The following SEZ6L variants were observed in gnomAD, a reference collection of about 807,000 sequenced individuals.
The protein encoded by SEZ6L is seizure 6-like protein.
A neutral mutation model predicts 106.2 loss-of-function variants in SEZ6L; 37 were observed. The observed-to-expected ratio is 0.35, with a 90% CI of 0.27 to 0.46. The LOEUF (loss-of-function observed/expected upper bound fraction) is 0.46. SEZ6L is among the 20% of genes least tolerant of loss of function. SEZ6L has a pLI of 1.00. For synonymous variants in SEZ6L, 541 were observed against 570.4 expected (o/e 0.95, Z 0.73); for missense variants, 1,172 against 1,332.8 (o/e 0.88, Z 1.88).
chr22:26,325,763 C>T (rs537367338), intron 9 of SEZ6L, among the ~76,000 whole-genome samples: 1,410 of 57,830 alleles, frequency 0.024, 14 homozygotes, highest in South Asian at 0.035. Context: ...CCCATCTCTT[C>T]GAGTTCTGAG....
At chr22:26,315,720 G>A (rs893223139) in intron 9 of SEZ6L, among the ~76,000 whole-genome samples, 10 of 152,156 alleles carry the variant, frequency 6.6e-5, no homozygotes, top group African/African-American at 2.4e-4. Context: ...GGCTGCTGGA[G>A]GCAGATTTTA....
intron 1 of SEZ6L, among the ~76,000 whole-genome samples, chr22:26,243,676 C>T (rs2079215984): frequency 6.6e-6 from 1 of 152,136 alleles, no homozygotes; most frequent in African/African-American, 2.4e-5. Context: ...TTATAAGGAT[C>T]ACTCTAGCTG....
intron 12 of SEZ6L, among the ~76,000 whole-genome samples, chr22:26,359,400 C>T (rs927423051): frequency 1.3e-5 from 2 of 152,150 alleles, no homozygotes; most frequent in Admixed American, 6.6e-5. Flanking sequence ...TGGTTAAGAC[C>T]GGACTTGGAC....
intron 1 of SEZ6L, among the ~76,000 whole-genome samples, chr22:26,258,065 T>C (rs371071370): frequency 6.6e-6 from 1 of 152,160 alleles, no homozygotes; most frequent in Non-Finnish European, 1.5e-5. Flanking sequence ...GAGTCTGTCA[T>C]CTCCAATTCA....
At chr22:26,217,169 C>A (rs530739868) in intron 1 of SEZ6L, among the ~76,000 whole-genome samples, 86 of 152,290 alleles carry the variant, frequency 5.6e-4, no homozygotes, top group African/African-American at 2.0e-3. Flanking sequence ...TCCAGGATTA[C>A]AGTGCTAGTA....
intron 1 of SEZ6L, among the ~76,000 whole-genome samples, chr22:26,270,463 GGTGTGTGTGTGT>G (rs60049781): frequency 6.8e-5 from 10 of 146,262 alleles, no homozygotes; most frequent in South Asian, 6.7e-4. Context: ...AATTGTGAGG[GGTGTGTGTGTGT>G]GTGTGTGTGT....
intron 1 of SEZ6L, among the ~76,000 whole-genome samples, chr22:26,291,445 T>C (rs996984080): frequency 2.2e-5 from 2 of 91,258 alleles, no homozygotes; most frequent in Non-Finnish European, 4.5e-5. Context: ...TGTTGCGGGG[T>C]GGAGTTGGGG....
At chr22:26,270,164 A>G (rs555088651) in intron 1 of SEZ6L, among the ~76,000 whole-genome samples, 1 of 152,316 alleles carries the variant, frequency 6.6e-6, no homozygotes, top group Non-Finnish European at 1.5e-5. Context: ...AGAACCTGGC[A>G]CAGAAGGATT....
intron 1 of SEZ6L, among the ~76,000 whole-genome samples, chr22:26,231,126 C>T (rs73879856): frequency 0.08 from 12,209 of 152,252 alleles, 948 homozygotes; most frequent in African/African-American, 0.2. Context: ...CTGTGGAGCC[C>T]GGCTACCCCA....
rs968475565 is a variant in SEZ6L at position 26,270,789 on chromosome 22, T to A, written c.95-21617T>A. 4.6e-5 allele frequency among the ~76,000 whole-genome samples: 7 copies of A among 152,192 alleles called. No individual in the cohort carries two copies. In the East Asian group the frequency reaches 7.7e-4, roughly 17 times the overall value. ...TGTCAAGGAAAACCCCTCGCTGGTG[T>A]CTGCTAGGACACTCATCTTTCCTCC... On this transcript the variant is annotated intron_variant, in intron 1 of 16. Coordinates refer to ENST00000248933, the MANE Select transcript of SEZ6L (RefSeq NM_021115.5).
chr22:26,169,596 G>A lies in SEZ6L; in HGVS notation c.-74G>A. The A allele has an allele frequency of 3.8e-6, 2 of 521,456 alleles. No homozygotes were observed. The highest frequency in any genetic ancestry group is 6.2e-6 in the Non-Finnish European group (2 of 324,062). The allele number at this position is 521,456 out of a possible 1,614,324, so 32.3% of individuals were successfully genotyped here. A position where few individuals can be genotyped will look rare whatever the true frequency, so the allele number is the denominator to read the frequency against. ...TCCCGCTTCCCCTTTCTCGCTCACC[G>A]CCGCCCTCCTTCCCCAGCTCCCTCG... On this transcript the variant is annotated 5_prime_UTR_variant, in exon 1 of 17. Coordinates refer to ENST00000248933, the MANE Select transcript of SEZ6L (RefSeq NM_021115.5).
At chr22:26,244,041 T>C (rs1211651711) in intron 1 of SEZ6L, among the ~76,000 whole-genome samples, 1 of 152,046 alleles carries the variant, frequency 6.6e-6, no homozygotes, top group Non-Finnish European at 1.5e-5. Flanking sequence ...CACAAACCTA[T>C]AGTCCCAGCT....
At chr22:26,316,773 A>G (rs1305934892) in intron 9 of SEZ6L, among the ~76,000 whole-genome samples, 1 of 151,924 alleles carries the variant, frequency 6.6e-6, no homozygotes, top group African/African-American at 2.4e-5. Flanking sequence ...TGGAGATTGC[A>G]GTAAGCCAAG....
At chr22:26,253,438 C>G (rs991179468) in intron 1 of SEZ6L, among the ~76,000 whole-genome samples, 1 of 152,088 alleles carries the variant, frequency 6.6e-6, no homozygotes, top group Non-Finnish European at 1.5e-5. Context: ...TCCTTTTACC[C>G]CCCTACTTGC....
intron 9 of SEZ6L, among the ~76,000 whole-genome samples, chr22:26,316,074 T>C (rs1005778106): frequency 6.6e-6 from 1 of 152,050 alleles, no homozygotes; most frequent in African/African-American, 2.4e-5. Flanking sequence ...AAAATTCAAA[T>C]TGAATTAAAT....
intron 1 of SEZ6L, among the ~76,000 whole-genome samples, chr22:26,273,239 C>A (rs1291054788): frequency 6.6e-6 from 1 of 152,250 alleles, no homozygotes; most frequent in South Asian, 2.1e-4. Context: ...CTTTCCCCCA[C>A]CCCAGGACAA....
chr22:26,326,964 G>A (rs556616346), intron 9 of SEZ6L, among the ~76,000 whole-genome samples: 9 of 152,328 alleles, frequency 5.9e-5, no homozygotes, highest in South Asian at 2.1e-4. Context: ...CACGCCAGGC[G>A]GGGACGGCCC....
chr22:26,306,282 G>C (rs1010937310), intron 6 of SEZ6L, 138 bp downstream of exon 6: 1 of 929,916 alleles, frequency 1.1e-6, no homozygotes, highest in Non-Finnish European at 1.6e-6. Context: ...GGATGGCAAA[G>C]ATCTTAGACA....
chr22:26,208,633 T>C (rs958714132), intron 1 of SEZ6L, among the ~76,000 whole-genome samples: 1 of 152,172 alleles, frequency 6.6e-6, no homozygotes, highest in African/African-American at 2.4e-5. Flanking sequence ...TTGTTTTCTT[T>C]AGATGTTTTC....
Sources: allele counts gnomAD v4.1 joint callset (sites outside exome capture counted in the v4.1 genomes callset), GRCh38; gene constraint gnomAD v4.1.1; transcripts MANE v1.5; gene names NCBI Gene and HGNC (gene_info 2026-07-23, HGNC 2026-07-21).